The following PCDH15 variants were observed in gnomAD, a reference collection of about 807,000 sequenced individuals.
The protein encoded by PCDH15 is protocadherin related 15.
In PCDH15, 129 loss-of-function variants were observed where a neutral mutation model predicts 178.5. The ratio of observed to expected loss-of-function variants is 0.72; its 90% CI spans 0.63 to 0.84. PCDH15 has a LOEUF of 0.84. PCDH15 is among the 40% of genes least tolerant of loss of function. The probability of loss-of-function intolerance (pLI) is 0.00; values close to 1 mark genes in which losing one functional copy is unlikely to be tolerated. For missense variants in PCDH15, 2,230 were observed against 2,099.9 expected (o/e 1.06, Z -1.21); for synonymous variants, 800 against 732.0 (o/e 1.09, Z -1.50).
chr10:55,476,726 C>T (rs1840069627), intron 2 of PCDH15, among the ~76,000 whole-genome samples: 1 of 151,942 alleles, frequency 6.6e-6, no homozygotes, highest in African/African-American at 2.4e-5. Context: ...ACTTGATATG[C>T]TTAATGCTTA....
At position 54,079,482 on chromosome 10, in the gene PCDH15, GTCT is replaced by G. The variant is rs887248084; in HGVS notation, c.1998-61_1998-59del. On this transcript the variant is annotated intron_variant, in intron 16 of 37. Transcript: ENST00000644397. The stretch of plus-strand genomic sequence containing the variant: ...AAAGAGATATTATGTCACAAGGAGA[GTCT>G]TCTTAGTATAGTGAATTACTTTTGA... The G allele has an allele frequency of 6.8e-6, 10 of 1,471,620 alleles. No individual in the cohort carries two copies. In the African/African-American group the frequency reaches 1.3e-4, roughly 18 times the overall value. The allele number at this position is 1,471,620 out of a possible 1,614,324, so 91.2% of individuals were successfully genotyped here.
intron 8 of PCDH15, among the ~76,000 whole-genome samples, chr10:54,307,447 G>T (rs2060628161): frequency 6.6e-6 from 1 of 151,428 alleles, no homozygotes; most frequent in Admixed American, 6.6e-5. Flanking sequence ...CCAACAGGAG[G>T]CTCTGTGGGA....
intron 20 of PCDH15, among the ~76,000 whole-genome samples, chr10:54,007,521 A>G (rs1213947683): frequency 2.0e-5 from 3 of 152,172 alleles, no homozygotes; most frequent in Middle Eastern, 3.2e-3. Context: ...GCCTTGTTAC[A>G]TTGATGTTCT....
At chr10:54,025,244 T>G (rs556248543) in intron 18 of PCDH15, among the ~76,000 whole-genome samples, 1 of 152,200 alleles carries the variant, frequency 6.6e-6, no homozygotes, top group Non-Finnish European at 1.5e-5. Flanking sequence ...TATCACAAAT[T>G]TAGCAGCTGA....
At chr10:55,377,497 A>AT (rs760220513) in intron 2 of PCDH15, among the ~76,000 whole-genome samples, 1 of 151,888 alleles carries the variant, frequency 6.6e-6, no homozygotes, top group Non-Finnish European at 1.5e-5. Flanking sequence ...TAATTACTAT[A>AT]TTTTTTATAT....
At chr10:55,104,725 A>C (rs1458918306) in intron 2 of PCDH15, among the ~76,000 whole-genome samples, 2 of 152,186 alleles carry the variant, frequency 1.3e-5, no homozygotes, top group East Asian at 1.9e-4. Context: ...CAAGCTATTC[A>C]ATTTTTTCTT....
intron 2 of PCDH15, among the ~76,000 whole-genome samples, chr10:55,036,155 G>T (rs1840729314): frequency 6.6e-6 from 1 of 152,094 alleles, no homozygotes; most frequent in Non-Finnish European, 1.5e-5. Flanking sequence ...TCAGTCTCTT[G>T]CTGTATATCA....
chr10:54,180,772 A>C (rs2047915192), intron 13 of PCDH15, among the ~76,000 whole-genome samples: 1 of 152,340 alleles, frequency 6.6e-6, no homozygotes. Flanking sequence ...AAATAACATT[A>C]AAATACTAAT....
intron 2 of PCDH15, among the ~76,000 whole-genome samples, chr10:55,344,080 T>C (rs2131958149): frequency 6.6e-6 from 1 of 152,122 alleles, no homozygotes; most frequent in Middle Eastern, 3.4e-3. Flanking sequence ...AGCAAACAAG[T>C]CATAGAGATA....
chr10:55,179,526 C>T (rs1477261576), intron 1 of PCDH15, among the ~76,000 whole-genome samples: 1 of 151,338 alleles, frequency 6.6e-6, no homozygotes, highest in Non-Finnish European at 1.5e-5. Context: ...CAAGCCTGCT[C>T]ATGGACAATT....
rs190687171 is a variant in PCDH15, at chr10:55,430,571, G to C, written c.-156+197054C>G. The stretch of plus-strand genomic sequence containing the variant: ...CTGGAAGCAAGATTTTTGGCCCAGA[G>C]AAGAAGTGATTTTCTGTTTTTACCC... On this transcript the variant is annotated intron_variant, in intron 2 of 5. Transcript: ENST00000613346. Among the ~76,000 whole-genome samples, 21 of 152,204 alleles carry C rather than the reference G, an allele frequency of 1.4e-4. No homozygotes were observed. In the East Asian group the frequency reaches 4.1e-3, roughly 29 times the overall value.
At chr10:54,556,394 T>C (rs771166595) in intron 2 of PCDH15, among the ~76,000 whole-genome samples, 1 of 152,278 alleles carries the variant, frequency 6.6e-6, no homozygotes, top group South Asian at 2.1e-4. Flanking sequence ...TCTACTCTTA[T>C]CCAACATGCA....
intron 2 of PCDH15, among the ~76,000 whole-genome samples, chr10:55,601,763 CAT>C (rs1427187522): frequency 6.6e-6 from 1 of 152,012 alleles, no homozygotes; most frequent in Non-Finnish European, 1.5e-5. Flanking sequence ...TTGAAAAATT[CAT>C]ATACTGACTA....
At chr10:54,944,897 C>G (rs1395553722) in intron 2 of PCDH15, among the ~76,000 whole-genome samples, 2 of 151,780 alleles carry the variant, frequency 1.3e-5, no homozygotes, top group Non-Finnish European at 2.9e-5. Context: ...GACTGAATAA[C>G]TTAAATGGAC....
At chr10:54,065,030 C>T (rs1471543349) in intron 18 of PCDH15, among the ~76,000 whole-genome samples, 3 of 152,288 alleles carry the variant, frequency 2.0e-5, no homozygotes, top group Admixed American at 1.3e-4. Flanking sequence ...GCAGTGGCTG[C>T]TCCAGATGGG....
chr10:53,987,389 T>C (rs957268697), intron 21 of PCDH15, among the ~76,000 whole-genome samples: 2 of 152,052 alleles, frequency 1.3e-5, no homozygotes, highest in South Asian at 2.1e-4. Context: ...AACTAAGAGA[T>C]GCAGCAAATG....
At chr10:54,322,878 A>G (rs1002400539) in intron 7 of PCDH15, among the ~76,000 whole-genome samples, 2 of 151,948 alleles carry the variant, frequency 1.3e-5, no homozygotes, top group Non-Finnish European at 2.9e-5. Context: ...CACCTAAACT[A>G]AAGAGCTTCG....
chr10:55,160,573 C>T (rs114560555), intron 2 of PCDH15, among the ~76,000 whole-genome samples: 1 of 151,928 alleles, frequency 6.6e-6, no homozygotes, highest in Non-Finnish European at 1.5e-5. Flanking sequence ...GGCAAATGGG[C>T]CCCTCTCAAT....
At chr10:55,468,908 G>T (rs1230019633) in intron 2 of PCDH15, among the ~76,000 whole-genome samples, 2 of 152,050 alleles carry the variant, frequency 1.3e-5, no homozygotes, top group Non-Finnish European at 1.5e-5. Context: ...TTCTTGAAAA[G>T]CTTGGGGAAT....
Sources: allele counts gnomAD v4.1 joint callset (sites outside exome capture counted in the v4.1 genomes callset), GRCh38; gene constraint gnomAD v4.1.1; transcripts MANE v1.5; gene names NCBI Gene and HGNC (gene_info 2026-07-23, HGNC 2026-07-21).